CSMD1: variants seen among roughly 807,000 people sequenced by gnomAD.
CSMD1 encodes CUB and sushi domain-containing protein 1.
In CSMD1, 213 loss-of-function variants were observed where a neutral mutation model predicts 417.5. The ratio of observed to expected loss-of-function variants is 0.51; its 90% CI spans 0.46 to 0.57. CSMD1 has a LOEUF of 0.57. CSMD1 is among the 20% of genes least tolerant of loss of function. The pLI is 0.00. For synonymous variants in CSMD1, 2,862 were observed against 1,736.8 expected (o/e 1.65, Z -16.11); for missense variants, 6,923 against 4,529.7 (o/e 1.53, Z -15.17).
At chr8:3,272,908 T>C (rs1160547065) in intron 26 of CSMD1, among the ~76,000 whole-genome samples, 1,870 of 148,454 alleles carry the variant, frequency 0.013, 42 homozygotes, top group African/African-American at 0.045. Flanking sequence ...CTTTTCCTAA[T>C]TGAATACCCT....
intron 1 of CSMD1, among the ~76,000 whole-genome samples, chr8:4,867,145 A>G (rs1273473748): frequency 1.3e-5 from 2 of 152,090 alleles, no homozygotes; most frequent in Non-Finnish European, 2.9e-5. Context: ...TATTATTTAT[A>G]TTTACAATTT....
At chr8:3,400,644 T>C (rs1811982113) in intron 15 of CSMD1, among the ~76,000 whole-genome samples, 3 of 151,990 alleles carry the variant, frequency 2.0e-5, no homozygotes, top group Admixed American at 1.3e-4. Flanking sequence ...TGGGAAAATC[T>C]TTGCAATAGA....
At chr8:3,421,446 A>C (rs1428702901) in intron 12 of CSMD1, among the ~76,000 whole-genome samples, 1 of 152,250 alleles carries the variant, frequency 6.6e-6, no homozygotes, top group African/African-American at 2.4e-5. Context: ...GAGAAACATC[A>C]TTCTCTACCT....
At chr8:4,356,615 T>A (rs1202717584) in intron 3 of CSMD1, among the ~76,000 whole-genome samples, 1 of 152,200 alleles carries the variant, frequency 6.6e-6, no homozygotes, top group East Asian at 1.9e-4. Flanking sequence ...TTGGCTGTTT[T>A]CACTGTGTCT....
At chr8:3,258,391 A>T (rs1800812809) in intron 26 of CSMD1, among the ~76,000 whole-genome samples, 1 of 152,218 alleles carries the variant, frequency 6.6e-6, no homozygotes, top group Non-Finnish European at 1.5e-5. Flanking sequence ...AACCAAAATG[A>T]GATACCATCT....
Position 4,487,296 on chromosome 8 carries a change from A to G in CSMD1, c.303-67231T>C, listed in dbSNP as rs187261452. Among the ~76,000 whole-genome samples, 342 of 152,182 alleles carry G rather than the reference A, an allele frequency of 2.2e-3. 3 individuals carry two copies. Among genetic ancestry groups the G allele is most frequent in the African/African-American group, 7.6e-3 (317 of 41,530 alleles). On this transcript the variant is annotated intron_variant, in intron 2 of 69. Coordinates refer to ENST00000635120, the MANE Select transcript of CSMD1 (RefSeq NM_033225.6). The stretch of plus-strand genomic sequence containing the variant: ...ATTAACTCGTCATTTAGCATTAGGT[A>G]TATCTCCTAATGCTATCCCTCCCCT...
chr8:4,260,589 T>C (rs992841991), intron 3 of CSMD1, among the ~76,000 whole-genome samples: 3 of 152,202 alleles, frequency 2.0e-5, no homozygotes, highest in Non-Finnish European at 4.4e-5. Context: ...TAATATTGTT[T>C]CTGAAAACAC....
At chr8:3,354,459 GAAAC>G (rs1326698499) in intron 21 of CSMD1, among the ~76,000 whole-genome samples, 1 of 152,016 alleles carries the variant, frequency 6.6e-6, no homozygotes, top group African/African-American at 2.4e-5. Context: ...CTAAGAAACA[GAAAC>G]AGAAAGTCTA....
intron 3 of CSMD1, among the ~76,000 whole-genome samples, chr8:4,379,836 A>C (rs915317568): frequency 7.9e-5 from 12 of 152,230 alleles, no homozygotes; most frequent in Non-Finnish European, 1.5e-4. Context: ...TTGCTGAAAA[A>C]GTGATCCCTG....
At chr8:4,713,751 C>A (rs10094500) in intron 1 of CSMD1, among the ~76,000 whole-genome samples, 89,306 of 151,990 alleles carry the variant, frequency 0.59, 27,327 homozygotes, top group African/African-American at 0.75. Context: ...GGCAACTCCA[C>A]GGACAGGTAA....
chr8:3,491,181 C>G (rs575695405), intron 11 of CSMD1, among the ~76,000 whole-genome samples: 61 of 152,168 alleles, frequency 4.0e-4, no homozygotes, highest in African/African-American at 1.4e-3. Context: ...TCAAAGGGAA[C>G]CAGGTAAAAA....
At chr8:3,578,026 C>T (rs1369391213) in intron 9 of CSMD1, among the ~76,000 whole-genome samples, 1 of 152,146 alleles carries the variant, frequency 6.6e-6, no homozygotes, top group East Asian at 1.9e-4. Context: ...TGTCCTGCAG[C>T]TCACCTTATT....
At chr8:4,793,392 A>T (rs1470691490) in intron 1 of CSMD1, among the ~76,000 whole-genome samples, 2 of 152,092 alleles carry the variant, frequency 1.3e-5, no homozygotes, top group East Asian at 3.9e-4. Context: ...TTTTGTTTCA[A>T]AATATGGTAA....
chr8:3,463,383 T>C (rs1231927630), intron 12 of CSMD1, among the ~76,000 whole-genome samples: 1 of 152,208 alleles, frequency 6.6e-6, no homozygotes, highest in Non-Finnish European at 1.5e-5. Context: ...TAAGGCTGTA[T>C]GTGCTGTGAA....
At chr8:4,116,103 AT>A (rs1249690039) in intron 3 of CSMD1, among the ~76,000 whole-genome samples, 1 of 151,496 alleles carries the variant, frequency 6.6e-6, no homozygotes, top group Non-Finnish European at 1.5e-5. Flanking sequence ...GGTTCAAGCG[AT>A]TTTCCTACCT....
intron 1 of CSMD1, among the ~76,000 whole-genome samples, chr8:4,755,812 C>T (rs1307695177): frequency 6.6e-6 from 1 of 152,162 alleles, no homozygotes; most frequent in Non-Finnish European, 1.5e-5. Flanking sequence ...CTTAACGACA[C>T]TATCTTATTG....
intron 5 of CSMD1, among the ~76,000 whole-genome samples, chr8:3,841,818 C>G (rs945069119): frequency 2.0e-5 from 3 of 151,716 alleles, no homozygotes; most frequent in Non-Finnish European, 4.4e-5. Flanking sequence ...GATCTGTGTT[C>G]AAAGCACCGA....
chr8:3,201,134 G>C (rs970437507), intron 32 of CSMD1, among the ~76,000 whole-genome samples: 3 of 152,132 alleles, frequency 2.0e-5, no homozygotes, highest in Non-Finnish European at 4.4e-5. Context: ...TGTTTTATGG[G>C]GGCTCATGTG....
chr8:3,229,924 C>A (rs1328575206), intron 27 of CSMD1, 116 bp downstream of exon 27: 3 of 736,954 alleles, frequency 4.1e-6, no homozygotes, highest in Non-Finnish European at 6.3e-6. Context: ...AGCCAGAGAA[C>A]ATGAAAGAAA....
Sources: gnomAD v4.1 joint callset for allele counts (sites outside exome capture counted in the v4.1 genomes callset) on GRCh38, gnomAD v4.1.1 for gene constraint, MANE v1.5 for transcripts, NCBI Gene and HGNC (gene_info 2026-07-23, HGNC 2026-07-21) for gene names.